FSD2: variants seen among roughly 807,000 people sequenced by gnomAD.
FSD2 encodes the protein fibronectin type III and SPRY domain containing 2, also known as fibronectin type III and SPRY domain-containing protein 2.
In FSD2, 71 loss-of-function variants were observed where a neutral mutation model predicts 80.4. The observed-to-expected ratio is 0.88, with a 90% CI of 0.73 to 1.08. FSD2 has a LOEUF of 1.08. Among genes scored for constraint, FSD2 ranks in the 50% least tolerant of loss-of-function variants. FSD2 has a pLI of 0.00. For missense variants in FSD2, 923 were observed against 913.8 expected, an observed-to-expected ratio of 1.01 and a Z score of -0.13; for synonymous variants, 361 against 329.5, an observed-to-expected ratio of 1.10 and a Z score of -1.03.
chr15:82,775,117 G>A (rs753729801), intron 6 of FSD2, among the ~76,000 whole-genome samples: 13 of 151,194 alleles, frequency 8.6e-5, no homozygotes, highest in Non-Finnish European at 1.5e-4. Flanking sequence ...CATATAATCC[G>A]ACTGGCCATG....
intron 4 of FSD2, among the ~76,000 whole-genome samples, chr15:82,780,867 T>C (rs180740381): frequency 4.6e-4 from 70 of 152,234 alleles, no homozygotes; most frequent in Admixed American, 4.2e-3. Context: ...TGCATTTTCT[T>C]CCATACCACA....
At chr15:82,785,300 A>ATTATTTAT (rs10635621) in intron 3 of FSD2, among the ~76,000 whole-genome samples, 4,664 of 146,988 alleles carry the variant, frequency 0.032, 126 homozygotes, top group African/African-American at 0.071. Flanking sequence ...AAGGCAATAC[A>ATTATTTAT]TTATTTATTT....
At position 82,782,948 on chromosome 15, in the gene FSD2, C is replaced by T. The variant is rs74028578; in HGVS notation, c.813G>A (p.Glu271=). The T allele has an allele frequency of 5.3e-4, 857 of 1,613,698 alleles. 5 individuals are homozygous for T. The African/African-American group carries it at 0.01, about 20-fold the overall frequency. ...TCTCCCCTAGAGCTTGTATTTTTTC[C>T]TCATATTTTTGAGCAAGTGTTTCCA... is the stretch of plus-strand genomic sequence containing the variant. ...EILETLAQKY[E]EKIQALGEKK... The change falls in exon 4 of 13, where the codon GAG becomes GAA. Residue 271 remains glutamate (E), a synonymous_variant. Transcript: ENST00000334574.
intron 1 of FSD2, among the ~76,000 whole-genome samples, chr15:82,793,195 A>C (rs1205521278): frequency 6.6e-6 from 1 of 152,018 alleles, no homozygotes; most frequent in South Asian, 2.1e-4. Context: ...TCCCAGGTCC[A>C]TGTGATTTTC....
intron 1 of FSD2, among the ~76,000 whole-genome samples, chr15:82,796,916 CT>C (rs201829553): frequency 0.02 from 2,980 of 151,218 alleles, 49 homozygotes; most frequent in Non-Finnish European, 0.03. Flanking sequence ...CATGTAGATT[CT>C]TTTTTCACAA....
chr15:82,798,922 G>T (rs1384515913), intron 1 of FSD2, among the ~76,000 whole-genome samples: 1 of 127,398 alleles, frequency 7.8e-6, no homozygotes, highest in Non-Finnish European at 1.6e-5. Flanking sequence ...CTGTTGCCCA[G>T]GTTGGAGCAC....
intron 6 of FSD2, 30 bp from the exon 7 acceptor site, chr15:82,772,258 A>C (rs1313523298): frequency 1.9e-6 from 3 of 1,582,642 alleles, no homozygotes; most frequent in Non-Finnish European, 2.6e-6. Context: ...AAGAAGAGGA[A>C]CCTCTAATAG....
rs1567292657 is a variant in FSD2 at position 82,755,701 on chromosome 15, T to C, written c.*3647A>G. 6.2e-6 allele frequency: 1 copy of C among 161,772 alleles called. No homozygotes were observed. The highest frequency in any genetic ancestry group is 1.4e-5 in the Non-Finnish European group (1 of 73,302). 10.0% of individuals were successfully genotyped at this position (161,772 alleles called of 1,614,324 possible). A position where few individuals can be genotyped will look rare whatever the true frequency, so the allele number is the denominator to read the frequency against. Reference sequence around the variant, plus strand: ...AGTACTAACTTAGGGGCAGTTGTTGTGCCCAGGTCATAGTCATACTCCTTC... The same window carrying C: ...AGTACTAACTTAGGGGCAGTTGTTGCGCCCAGGTCATAGTCATACTCCTTC... On this transcript the variant is annotated 3_prime_UTR_variant, in exon 13 of 13. Transcript: ENST00000334574.
rs1325935609 is a variant in FSD2 at position 82,788,357 on chromosome 15, T to A, written c.-78-889A>T. 1.0e-3 allele frequency among the ~76,000 whole-genome samples: 122 copies of A among 121,650 alleles called. 1 individual carries two copies. The East Asian group carries it at 0.022, about 22-fold the overall frequency. The allele number at this position is 121,650 out of a possible 152,430, so 79.8% of individuals were successfully genotyped here. ...CCAAAAATACAAAAAAAAAAAAAAA[T>A]GCCAGGCATAGTGGTGTGCACGTGT... On this transcript the variant is annotated intron_variant, in intron 1 of 12. Transcript: ENST00000334574.
intron 6 of FSD2, among the ~76,000 whole-genome samples, chr15:82,773,425 G>T (rs1032455335): frequency 6.6e-6 from 1 of 152,192 alleles, no homozygotes; most frequent in Non-Finnish European, 1.5e-5. Flanking sequence ...TTCACCTGGA[G>T]ATGCAGCGTA....
chr15:82,778,798 T>C lies in FSD2; in HGVS notation c.1079A>G (p.Glu360Gly), dbSNP rs1224972865. The C allele has an allele frequency of 6.2e-7, 1 of 1,613,534 alleles. No homozygotes were observed. The highest frequency in any genetic ancestry group is 2.2e-5 in the East Asian group (1 of 44,886). ...GGTGTTAATGGAGCCCATCAGCTGCTCCACATCAGAGAAATCCAAGGTCTG... is the reference window on the plus strand; with the variant it reads ...GGTGTTAATGGAGCCCATCAGCTGCCCCACATCAGAGAAATCCAAGGTCTG... ...EDQTLDFSDV[E>G]QLMGSINTIP... The change falls in exon 6 of 13, where the codon GAG (glutamate) becomes GGG (glycine). Residue 360 changes from glutamate (E) to glycine (G), a missense_variant. By Grantham distance (98) the Glu-to-Gly change is moderately conservative (BLOSUM62 -2). Coordinates refer to ENST00000334574, the MANE Select transcript of FSD2 (RefSeq NM_001007122.4).
chr15:82,772,241 A>T lies in FSD2; in HGVS notation c.1112-13T>A. 1 of 1,598,310 alleles carries T rather than the reference A, an allele frequency of 6.3e-7. No homozygotes were observed. The highest frequency in any genetic ancestry group is 8.5e-7 in the Non-Finnish European group (1 of 1,172,498). ...GGAGCAGAAGGAGCTAGGAAAAGAAAAGAAAAAAGAAGAGGAACCTCTAAT... is the reference window on the plus strand; with the variant it reads ...GGAGCAGAAGGAGCTAGGAAAAGAATAGAAAAAAGAAGAGGAACCTCTAAT... On this transcript the variant is annotated splice_polypyrimidine_tract_variant and intron_variant, in intron 6 of 12. Coordinates refer to ENST00000334574, the MANE Select transcript of FSD2 (RefSeq NM_001007122.4).
Position 82,762,133 on chromosome 15 carries a change from A to G in FSD2, c.1966T>C (p.Trp656Arg). 1 of 1,609,054 alleles carries G rather than the reference A, an allele frequency of 6.2e-7. No homozygotes were observed. The highest frequency in any genetic ancestry group is 8.5e-7 in the Non-Finnish European group (1 of 1,177,522). ...QEDLGANCLS[W>R]CMRHTFASSR... ...GATGCAAATGTGTGCCTCATGCACC[A>G]GGAGAGGCAATTTGCTCCCAGATCC... Residue 656 changes from tryptophan to arginine, a missense_variant, in exon 12 of 13, where the codon TGG becomes CGG. Trp to Arg is a moderately radical substitution (Grantham distance 101). Transcript: ENST00000334574.
chr15:82,779,144 C>A (rs1339714231), intron 5 of FSD2, among the ~76,000 whole-genome samples: 1 of 152,030 alleles, frequency 6.6e-6, no homozygotes, highest in Non-Finnish European at 1.5e-5. Flanking sequence ...GGGTAGAGGG[C>A]GATCTGCCAA....
intron 5 of FSD2, 93 bp from the exon 6 acceptor site, chr15:82,778,980 G>C (rs1039767795): frequency 7.0e-7 from 1 of 1,423,264 alleles, no homozygotes; most frequent in Non-Finnish European, 9.6e-7. Context: ...AATGAAGAGG[G>C]GCTCTTTGCT....
At chr15:82,803,455 A>C (rs2050460321) in intron 1 of FSD2, among the ~76,000 whole-genome samples, 1 of 151,442 alleles carries the variant, frequency 6.6e-6, no homozygotes, top group South Asian at 2.1e-4. Flanking sequence ...AAGCAGCCCC[A>C]CCTTCCCTAG....
intron 1 of FSD2, among the ~76,000 whole-genome samples, chr15:82,794,881 C>T (rs1332414741): frequency 2.0e-5 from 3 of 152,018 alleles, no homozygotes; most frequent in African/African-American, 4.8e-5. Context: ...CCCGCCACCA[C>T]GCCTGGCTAA....
chr15:82,759,424 CAG>C lies in FSD2; in HGVS notation c.2172_2173del (p.Cys725PhefsTer13), dbSNP rs926410876. On this transcript the variant is annotated frameshift_variant, in exon 13 of 13. Transcript: ENST00000334574. LOFTEE classifies it high-confidence loss of function. Reference sequence around the variant, plus strand: ...ACACCCAGGCTTTTCCAAAGAAAAACAGGGATGCACAAATTCGTGAAGCTGAC... The same window carrying C: ...ACACCCAGGCTTTTCCAAAGAAAAACGGATGCACAAATTCGTGAAGCTGAC... The C allele has an allele frequency of 1.1e-5, 17 of 1,613,614 alleles. No homozygotes were observed. Among genetic ancestry groups the C allele is most frequent in the Non-Finnish European group, 1.4e-5 (17 of 1,179,782 alleles).
intron 12 of FSD2, among the ~76,000 whole-genome samples, chr15:82,761,849 A>G (rs568534855): frequency 7.9e-5 from 12 of 152,140 alleles, no homozygotes; most frequent in African/African-American, 2.6e-4. Flanking sequence ...CACAATTGTG[A>G]GAAGTAAATG....
Sources: gnomAD v4.1 joint callset for allele counts (sites outside exome capture counted in the v4.1 genomes callset) on GRCh38, gnomAD v4.1.1 for gene constraint, MANE v1.5 for transcripts, NCBI Gene and HGNC (gene_info 2026-07-23, HGNC 2026-07-21) for gene names.